Variants in DCAF17 observed in about 807,000 individuals in gnomAD.
DCAF17 encodes DDB1- and CUL4-associated factor 17.
A neutral mutation model predicts 66.0 loss-of-function variants in DCAF17; 48 were observed. The observed-to-expected ratio is 0.73, with a 90% CI of 0.58 to 0.92. DCAF17 has a LOEUF of 0.92. DCAF17 is among the 40% of genes least tolerant of loss of function. The pLI, the probability that DCAF17 is intolerant of heterozygous loss-of-function variation, is 0.00. For synonymous variants in DCAF17, 206 were observed against 214.6 expected (o/e 0.96, Z 0.35); for missense variants, 562 against 622.8 (o/e 0.90, Z 1.04).
intron 2 of DCAF17, among the ~76,000 whole-genome samples, chr2:171,440,134 A>G (rs1393190668): frequency 1.3e-5 from 2 of 152,000 alleles, no homozygotes; most frequent in Admixed American, 6.5e-5. Flanking sequence ...TGGCTTAATC[A>G]TTGTTATTTT....
At chr2:171,473,811 A>C in intron 9 of DCAF17, 55 bp from the exon 10 acceptor site, 2 of 1,425,712 alleles carry the variant, frequency 1.4e-6, no homozygotes, top group Non-Finnish European at 9.8e-7. Flanking sequence ...TTAGATTTGT[A>C]AAATCATTTG....
rs1236135274 is a variant in DCAF17, at chr2:171,482,794, G to T, written c.*1680G>T. The T allele has an allele frequency of 2.2e-6, 1 of 453,774 alleles. No homozygotes were observed. The highest frequency in any genetic ancestry group is 2.4e-5 in the Admixed American group (1 of 42,510). 28.1% of individuals were successfully genotyped at this position (453,774 alleles called of 1,614,324 possible). A position where few individuals can be genotyped will look rare whatever the true frequency, so the allele number is the denominator to read the frequency against. ...TTGAGAAATAGCTGAATTCCTGGCT[G>T]CTTTTTTGCTGGGGGTAGATGGTGG... On this transcript the variant is annotated 3_prime_UTR_variant, in exon 14 of 14. Coordinates refer to ENST00000375255, the MANE Select transcript of DCAF17 (RefSeq NM_025000.4).
chr2:171,467,927 A>G (rs1316755623), intron 8 of DCAF17, among the ~76,000 whole-genome samples: 1 of 152,070 alleles, frequency 6.6e-6, no homozygotes, highest in Admixed American at 6.6e-5. Context: ...TCTTACACGA[A>G]TCATCTTCCT....
chr2:171,480,099 AAATAG>A lies in DCAF17; in HGVS notation c.1330_1334del (p.Ile444CysfsTer2). 1 of 1,613,890 alleles carries A rather than the reference AAATAG, an allele frequency of 6.2e-7. No homozygotes were observed. The highest frequency in any genetic ancestry group is 8.5e-7 in the Non-Finnish European group (1 of 1,179,804). ...TTGCTTTCTGTGGTAGCTGTTACTC[AAATAG>A]ATGCTGAAGGAAAAGCTCACCTGGA... On this transcript the variant is annotated frameshift_variant, in exon 13 of 14. Transcript: ENST00000375255. LOFTEE classifies it high-confidence loss of function.
intron 6 of DCAF17, among the ~76,000 whole-genome samples, chr2:171,454,520 G>C (rs1404099553): frequency 6.6e-6 from 1 of 151,986 alleles, no homozygotes; most frequent in African/African-American, 2.4e-5. Context: ...TCCTGACTTC[G>C]TGATCTGCTC....
intron 8 of DCAF17, among the ~76,000 whole-genome samples, chr2:171,461,911 G>A (rs867181099): frequency 2.9e-4 from 44 of 151,998 alleles, no homozygotes; most frequent in African/African-American, 1.1e-3. Context: ...AAATCACATG[G>A]CATGTATTTT....
chr2:171,473,011 T>C (rs886598406), intron 9 of DCAF17: 1 of 195,946 alleles, frequency 5.1e-6, no homozygotes, highest in Non-Finnish European at 1.2e-5. Flanking sequence ...TTCTTTATTT[T>C]AATTTCTAAA....
intron 10 of DCAF17, among the ~76,000 whole-genome samples, chr2:171,475,457 C>A (rs141721824): frequency 2.0e-5 from 3 of 152,258 alleles, no homozygotes; most frequent in African/African-American, 7.2e-5. Context: ...AGTAGATGCT[C>A]AGTATTTGTT....
At position 171,476,956 on chromosome 2, in the gene DCAF17, T is replaced by C; in HGVS notation, c.1182+6T>C. ...CCAACAGGGAGAACCATAAAGTAAGTCAAGAGTACTTTAAAATCCTTTATA... is the reference window on the plus strand; with the variant it reads ...CCAACAGGGAGAACCATAAAGTAAGCCAAGAGTACTTTAAAATCCTTTATA... On this transcript the variant is annotated splice_donor_region_variant and intron_variant, in intron 11 of 13. Coordinates refer to ENST00000375255, the MANE Select transcript of DCAF17 (RefSeq NM_025000.4). 2.5e-6 allele frequency: 4 copies of C among 1,591,730 alleles called. No individual in the cohort carries two copies. The highest frequency in any genetic ancestry group is 3.4e-6 in the Non-Finnish European group (4 of 1,159,940).
chr2:171,467,392 G>A (rs1695967035), intron 8 of DCAF17, among the ~76,000 whole-genome samples: 1 of 151,960 alleles, frequency 6.6e-6, no homozygotes. Context: ...GTTAAGTTTT[G>A]GGGAAGTCAA....
intron 3 of DCAF17, among the ~76,000 whole-genome samples, chr2:171,447,144 T>TTTTAGTA (rs1694672319): frequency 6.6e-6 from 1 of 152,084 alleles, no homozygotes; most frequent in Non-Finnish European, 1.5e-5. Context: ...TTTTGTATTG[T>TTTTAGTA]TTTAGTATTT....
In DCAF17 at chr2:171,434,327, CAG is replaced by C. The variant is rs1693596275; in HGVS notation, c.-246_-245del. On this transcript the variant is annotated 5_prime_UTR_variant, in exon 1 of 14. Transcript: ENST00000375255. ...ACCGGAGCGTCGCACTGTCAGCGGC[CAG>C]AGAGCCTGGGGCAGATCGAAAAGGG... 1 of 678,890 alleles carries C rather than the reference CAG, an allele frequency of 1.5e-6. No homozygotes were observed. Among genetic ancestry groups the C allele is most frequent in the African/African-American group, 1.8e-5 (1 of 56,106 alleles). 42.1% of individuals were successfully genotyped at this position (678,890 alleles called of 1,614,324 possible).
chr2:171,437,959 G>T (rs551029145), intron 2 of DCAF17, among the ~76,000 whole-genome samples: 2 of 152,266 alleles, frequency 1.3e-5, no homozygotes, highest in African/African-American at 4.8e-5. Flanking sequence ...CTTAGATTAC[G>T]ATTTGAAGTC....
At chr2:171,436,653 A>G (rs1295903118) in intron 2 of DCAF17, among the ~76,000 whole-genome samples, 2 of 151,392 alleles carry the variant, frequency 1.3e-5, no homozygotes, top group Non-Finnish European at 2.9e-5. Context: ...TTTTTTTTAC[A>G]AAAATCCTTA....
At position 171,483,210 on chromosome 2, in the gene DCAF17, C is replaced by T. The variant is rs1019254131; in HGVS notation, c.*2096C>T. 5 of 454,008 alleles carry T rather than the reference C, an allele frequency of 1.1e-5. No individual in the cohort carries two copies. The highest frequency in any genetic ancestry group is 1.8e-5 in the Non-Finnish European group (4 of 226,790). The allele number at this position is 454,008 out of a possible 1,614,324, so 28.1% of individuals were successfully genotyped here. On this transcript the variant is annotated 3_prime_UTR_variant, in exon 14 of 14. Transcript: ENST00000375255. ...GTCACACAGCTGCTCATTCTGCCAC[C>T]TGCCAGACATTAATGTCTTCCTGCC...
rs1022315829 is a variant in DCAF17, at chr2:171,483,881, A to G, written c.*2767A>G. 2 of 453,980 alleles carry G rather than the reference A, an allele frequency of 4.4e-6. No homozygotes were observed. The highest frequency in any genetic ancestry group is 4.4e-6 in the Non-Finnish European group (1 of 226,800). 28.1% of individuals were successfully genotyped at this position (453,980 alleles called of 1,614,324 possible). A position where few individuals can be genotyped will look rare whatever the true frequency, so the allele number is the denominator to read the frequency against. On this transcript the variant is annotated 3_prime_UTR_variant, in exon 14 of 14. Coordinates refer to ENST00000375255, the MANE Select transcript of DCAF17 (RefSeq NM_025000.4). ...GGAAACATAACCAGATTTGTTCGGC[A>G]TGAACTTGTGCCAAATTTCCTCCAA...
At chr2:171,452,333 A>G (rs932734799) in intron 5 of DCAF17, among the ~76,000 whole-genome samples, 5 of 152,114 alleles carry the variant, frequency 3.3e-5, no homozygotes, top group African/African-American at 1.2e-4. Context: ...CACAGTGGCA[A>G]GAAATTGGAC....
chr2:171,468,808 G>T (rs566963506), intron 8 of DCAF17, 80 bp from the exon 9 acceptor site: 2 of 1,567,438 alleles, frequency 1.3e-6, no homozygotes, highest in East Asian at 2.2e-5. Flanking sequence ...TGCATGCAAA[G>T]AAAGGTTGAA....
rs1694848677 is a variant in DCAF17 at position 171,449,872 on chromosome 2, T to G, written c.459-7T>G. ...AATAAATAAACTTCTCTTCATTCTTTTAAAAGATACTTGAGCTGGGACACT... is the reference window on the plus strand; with the variant it reads ...AATAAATAAACTTCTCTTCATTCTTGTAAAAGATACTTGAGCTGGGACACT... On this transcript the variant is annotated splice_polypyrimidine_tract_variant and splice_region_variant and intron_variant, in intron 4 of 13. Transcript: ENST00000375255. 6.2e-7 allele frequency: 1 copy of G among 1,611,676 alleles called. No individual in the cohort carries two copies. The highest frequency in any genetic ancestry group is 1.7e-5 in the Admixed American group (1 of 59,938).
Sources: allele counts gnomAD v4.1 joint callset (sites outside exome capture counted in the v4.1 genomes callset), GRCh38; gene constraint gnomAD v4.1.1; transcripts MANE v1.5; gene names NCBI Gene and HGNC (gene_info 2026-07-23, HGNC 2026-07-21).